ABCA8: variants seen among roughly 807,000 people sequenced by gnomAD.
ABCA8 encodes the protein ABC-type organic anion transporter ABCA8.
Under a neutral mutation model 192.3 loss-of-function variants are expected in ABCA8, and 177 were observed. The ratio of observed to expected loss-of-function variants is 0.92; its 90% CI spans 0.81 to 1.04. ABCA8 has a LOEUF of 1.04. Ranked by LOEUF, ABCA8 falls within the 50% of genes least tolerant of loss-of-function variation. ABCA8 has a pLI of 0.00. For missense variants in ABCA8, 1,915 were observed against 1,904.8 expected (o/e 1.01, Z -0.10); for synonymous variants, 642 against 690.2 (o/e 0.93, Z 1.09).
At chr17:68,927,088 G>A (rs1459187603) in intron 10 of ABCA8, among the ~76,000 whole-genome samples, 2 of 151,986 alleles carry the variant, frequency 1.3e-5, no homozygotes, top group African/African-American at 2.4e-5. Flanking sequence ...AAACCCCATC[G>A]TCTCTACTAA....
chr17:68,888,151 T>C (rs886197552), intron 24 of ABCA8, among the ~76,000 whole-genome samples: 1 of 150,920 alleles, frequency 6.6e-6, no homozygotes, highest in Non-Finnish European at 1.5e-5. Flanking sequence ...AGAAATTGTG[T>C]TGTTCTGCCA....
intron 1 of ABCA8, among the ~76,000 whole-genome samples, chr17:68,953,613 A>G (rs189231902): frequency 6.6e-6 from 1 of 152,282 alleles, no homozygotes; most frequent in East Asian, 1.9e-4. Context: ...CAGAGAGCCC[A>G]TGGAAGGAGA....
chr17:68,918,122 G>C lies in ABCA8; in HGVS notation c.1972C>G (p.Leu658Val). ...CGGTCTGTTTTGCGTTCTTTCAGAA[G>C]GTTCCATACTTGGTGTCTTGAAAAG... ...DPFSRHQVWN[L>V]LKERKTDRVI... is the part of the protein sequence containing the mutation. Residue 658 changes from leucine (L) to valine (V), a missense_variant, in exon 16 of 40, where the codon CTT (leucine) becomes GTT (valine). Coordinates refer to ENST00000586539, the MANE Select transcript of ABCA8 (RefSeq NM_001288985.2). The C allele has an allele frequency of 6.2e-7, 1 of 1,614,182 alleles. No homozygotes were observed. Among genetic ancestry groups the C allele is most frequent in the African/African-American group, 1.3e-5 (1 of 75,048 alleles).
chr17:68,877,603 G>A lies in ABCA8; in HGVS notation c.4115C>T (p.Pro1372Leu). Residue 1372 changes from proline to leucine, a missense_variant, in exon 33 of 40, where the codon CCC becomes CTC. Pro to Leu is a moderately conservative substitution (Grantham distance 98). Coordinates refer to ENST00000586539, the MANE Select transcript of ABCA8 (RefSeq NM_001288985.2). Reference sequence around the variant, plus strand: ...CAGGTGCTGCCTCACTGTCAGGTTGGGCCACAGCGCGTTCTCCTGAGGGCA... The same window carrying A: ...CAGGTGCTGCCTCACTGTCAGGTTGAGCCACAGCGCGTTCTCCTGAGGGCA... ...GYCPQENALW[P>L]NLTVRQHLEV... 4.3e-6 allele frequency: 7 copies of A among 1,614,032 alleles called. No homozygotes were observed. The highest frequency in any genetic ancestry group is 5.9e-6 in the Non-Finnish European group (7 of 1,179,978).
At chr17:68,897,134 T>C (rs1429272163) in intron 21 of ABCA8, among the ~76,000 whole-genome samples, 1 of 152,224 alleles carries the variant, frequency 6.6e-6, no homozygotes, top group Non-Finnish European at 1.5e-5. Context: ...TATGGGCATT[T>C]TTGAAAACAA....
intron 2 of ABCA8, among the ~76,000 whole-genome samples, chr17:68,946,274 G>T (rs1199086637): frequency 6.6e-6 from 1 of 151,976 alleles, no homozygotes; most frequent in Non-Finnish European, 1.5e-5. Context: ...CACCATATTG[G>T]CCAGGCTGGT....
intron 38 of ABCA8, among the ~76,000 whole-genome samples, chr17:68,869,148 A>C (rs182094014): frequency 5.6e-4 from 86 of 152,274 alleles, no homozygotes; most frequent in African/African-American, 1.7e-3. Context: ...TGACAATGAA[A>C]ACAGTATAGC....
Position 68,924,767 on chromosome 17 carries a change from G to A in ABCA8, c.1376C>T (p.Ala459Val). The change falls in exon 11 of 40, where the codon GCC becomes GTC. Residue 459 changes from alanine to valine, a missense_variant. By Grantham distance (64) the Ala-to-Val change is moderately conservative (BLOSUM62 0). Coordinates refer to ENST00000586539, the MANE Select transcript of ABCA8 (RefSeq NM_001288985.2). The part of the protein sequence containing the change: ...DHVALEDEMD[A>V]DPSFHDSFEQ... Reference sequence around the variant, plus strand: ...AAAAGAGTCATGAAATGAAGGATCGGCATCCATTTCATCTTCAAGGGCCAC... The same window carrying A: ...AAAAGAGTCATGAAATGAAGGATCGACATCCATTTCATCTTCAAGGGCCAC... 6.2e-7 allele frequency: 1 copy of A among 1,613,974 alleles called. No individual in the cohort carries two copies. The highest frequency in any genetic ancestry group is 8.5e-7 in the Non-Finnish European group (1 of 1,179,942).
intron 4 of ABCA8, among the ~76,000 whole-genome samples, chr17:68,938,786 G>T (rs1437182187): frequency 6.6e-6 from 1 of 152,108 alleles, no homozygotes; most frequent in East Asian, 1.9e-4. Flanking sequence ...ACATCCTGTA[G>T]ATATAGTCTG....
At chr17:68,901,357 C>T (rs571202881) in intron 21 of ABCA8, among the ~76,000 whole-genome samples, 11 of 152,174 alleles carry the variant, frequency 7.2e-5, no homozygotes, top group South Asian at 4.1e-4. Context: ...GTACAATTGA[C>T]GAGTTATCAC....
At chr17:68,890,232 T>A (rs2066591243) in intron 24 of ABCA8, among the ~76,000 whole-genome samples, 2 of 152,216 alleles carry the variant, frequency 1.3e-5, no homozygotes, top group African/African-American at 4.8e-5. Flanking sequence ...TTGGTCATTC[T>A]AACATTATTA....
At chr17:68,885,095 C>T (rs369940366) in intron 27 of ABCA8, 101 bp downstream of exon 27, 2 of 1,320,496 alleles carry the variant, frequency 1.5e-6, no homozygotes, top group African/African-American at 3.0e-5. Context: ...CTTTGAACCC[C>T]ATGCACTTTA....
chr17:68,882,930 G>A (rs192330030), intron 29 of ABCA8, among the ~76,000 whole-genome samples: 9 of 152,096 alleles, frequency 5.9e-5, no homozygotes, highest in African/African-American at 1.7e-4. Flanking sequence ...AATAGCTGAC[G>A]AAGAATTTTT....
chr17:68,890,941 C>G (rs953833949), intron 24 of ABCA8, among the ~76,000 whole-genome samples: 1 of 152,204 alleles, frequency 6.6e-6, no homozygotes, highest in African/African-American at 2.4e-5. Flanking sequence ...TTGCCTATCA[C>G]AAGATCTGTG....
intron 10 of ABCA8, among the ~76,000 whole-genome samples, chr17:68,925,567 G>A (rs918701785): frequency 7.2e-5 from 11 of 152,144 alleles, no homozygotes; most frequent in Non-Finnish European, 1.0e-4. Flanking sequence ...CGGAAGAATC[G>A]TACTTCACTA....
Position 68,906,149 on chromosome 17 carries a change from G to C in ABCA8, c.2293C>G (p.Leu765Val), listed in dbSNP as rs769218826. 2 of 1,581,466 alleles carry C rather than the reference G, an allele frequency of 1.3e-6. No individual in the cohort carries two copies. Among genetic ancestry groups the C allele is most frequent in the Admixed American group, 3.7e-5 (2 of 53,770 alleles). Residue 765 changes from leucine to valine, a missense_variant, in exon 19 of 40, where the codon CTT becomes GTT. Physicochemically the swap from Leu to Val is conservative, Grantham distance 32. Coordinates refer to ENST00000586539, the MANE Select transcript of ABCA8 (RefSeq NM_001288985.2). ...ATTCCTAGGTCAGGATAGCTATCAA[G>C]ATCCTTGTAAAGTTCTAAAGAATAC... Reference protein sequence around the residue: ...TNKFPELYKDLDSYPDLGIEN... With the variant: ...TNKFPELYKDVDSYPDLGIEN...
chr17:68,887,894 A>ATATATATATATATATATAT lies in ABCA8; in HGVS notation c.3145-389_3145-388insATATATATATATATATATA, dbSNP rs1555607357. On this transcript the variant is annotated intron_variant, in intron 24 of 39. Transcript: ENST00000586539. ...TTTTCTCTCCTCCATATATATATAT[A>ATATATATATATATATATAT]TATATATATATATCCATATATATAT... Among the ~76,000 whole-genome samples, 34 of 43,816 alleles carry ATATATATATATATATATAT rather than the reference A, an allele frequency of 7.8e-4. No individual in the cohort carries two copies. In the East Asian group the frequency reaches 0.046, roughly 60 times the overall value. The allele number at this position is 43,816 out of a possible 152,430, so 28.7% of individuals were successfully genotyped here.
Position 68,922,194 on chromosome 17 carries a change from C to CTTTTTTTTT in ABCA8, c.1501+39_1501+47dup. On this transcript the variant is annotated intron_variant, in intron 12 of 39. Transcript: ENST00000586539. Reference sequence around the variant, plus strand: ...TAACAAATATTTTCTTTCTCTCTCTCTTTTTTTTTTTTTTTTTTTTTTTTT... The same window carrying CTTTTTTTTT: ...TAACAAATATTTTCTTTCTCTCTCTCTTTTTTTTTTTTTTTTTTTTTTTTTTTTTTTTTT... 387 of 526,932 alleles carry CTTTTTTTTT rather than the reference C, an allele frequency of 7.3e-4. 5 individuals carry two copies. Among genetic ancestry groups the CTTTTTTTTT allele is most frequent in the Admixed American group, 8.9e-4 (10 of 11,278 alleles). The allele number at this position is 526,932 out of a possible 1,614,324, so 32.6% of individuals were successfully genotyped here. A position where few individuals can be genotyped will look rare whatever the true frequency, so the allele number is the denominator to read the frequency against.
chr17:68,919,543 T>G, intron 13 of ABCA8, 67 bp from the exon 14 acceptor site: 2 of 1,381,764 alleles, frequency 1.4e-6, no homozygotes. Flanking sequence ...TCGCTGTTAA[T>G]TAAATGTACG....
Sources: allele counts gnomAD v4.1 joint callset (sites outside exome capture counted in the v4.1 genomes callset), GRCh38; gene constraint gnomAD v4.1.1; transcripts MANE v1.5; gene names NCBI Gene and HGNC (gene_info 2026-07-23, HGNC 2026-07-21).